STAG1: variants seen among roughly 807,000 people sequenced by gnomAD.
STAG1 encodes STAG1 cohesin complex component.
In STAG1, 26 loss-of-function variants were observed where a neutral mutation model predicts 170.9. The observed-to-expected ratio is 0.15, with a 90% CI of 0.11 to 0.21. STAG1 has a LOEUF of 0.21. STAG1 is among the 10% of genes least tolerant of loss of function. STAG1 has a pLI of 1.00. For missense variants in STAG1, 964 were observed against 1,509.5 expected, an observed-to-expected ratio of 0.64 and a Z score of 5.99; for synonymous variants, 514 against 497.7, an observed-to-expected ratio of 1.03 and a Z score of -0.44.
At chr3:136,660,211 CTT>C (rs912280628) in intron 1 of STAG1, among the ~76,000 whole-genome samples, 1 of 152,108 alleles carries the variant, frequency 6.6e-6, no homozygotes, top group African/African-American at 2.4e-5. Context: ...CTATAAAACT[CTT>C]TCTCATAGAG....
chr3:136,383,073 A>G (rs1938065283), intron 22 of STAG1, among the ~76,000 whole-genome samples: 1 of 152,178 alleles, frequency 6.6e-6, no homozygotes, highest in Non-Finnish European at 1.5e-5. Context: ...ATGATTCCCA[A>G]GACTGTGATT....
intron 7 of STAG1, among the ~76,000 whole-genome samples, chr3:136,511,320 C>A (rs1934052840): frequency 6.6e-6 from 1 of 152,174 alleles, no homozygotes; most frequent in Non-Finnish European, 1.5e-5. Context: ...GAATATAAAT[C>A]ATTCTATCAT....
At chr3:136,538,912 A>G (rs1211869881) in intron 6 of STAG1, among the ~76,000 whole-genome samples, 2 of 152,078 alleles carry the variant, frequency 1.3e-5, no homozygotes, top group African/African-American at 2.4e-5. Context: ...AGGCAGGTGG[A>G]TCACGAGGTC....
At chr3:136,351,023 A>G (rs1372227272) in intron 28 of STAG1, among the ~76,000 whole-genome samples, 3 of 152,234 alleles carry the variant, frequency 2.0e-5, no homozygotes, top group Non-Finnish European at 4.4e-5. Context: ...ACATATATGT[A>G]TATCAAGACA....
rs1307880207 is a variant in STAG1 at position 136,594,989 on chromosome 3, C to T, written c.297+9320G>A. Among the ~76,000 whole-genome samples, 3 of 152,114 alleles carry T rather than the reference C, an allele frequency of 2.0e-5. No homozygotes were observed. In the East Asian group the frequency reaches 5.8e-4, roughly 29 times the overall value. Reference sequence around the variant, plus strand: ...TTTGCCATGTTGCCCAGGCTAGTCTCGAACTCCTGGCTCAAGAGATCTGCC... The same window carrying T: ...TTTGCCATGTTGCCCAGGCTAGTCTTGAACTCCTGGCTCAAGAGATCTGCC... On this transcript the variant is annotated intron_variant, in intron 4 of 33. Transcript: ENST00000383202.
chr3:136,738,226 C>G (rs1021406655), intron 1 of STAG1, among the ~76,000 whole-genome samples: 2 of 152,090 alleles, frequency 1.3e-5, no homozygotes, highest in Non-Finnish European at 2.9e-5. Context: ...CCCAGTGGAT[C>G]AGTCCTGTAA....
At chr3:136,363,245 C>A in intron 26 of STAG1, 121 bp downstream of exon 26, 1 of 549,642 alleles carries the variant, frequency 1.8e-6, no homozygotes. Context: ...CAGTAATGCA[C>A]TGACAAAATG....
intron 23 of STAG1, among the ~76,000 whole-genome samples, chr3:136,372,150 G>C (rs552259680): frequency 9.5e-4 from 144 of 150,954 alleles, no homozygotes; most frequent in African/African-American, 3.1e-3. Context: ...TGATTTGGCT[G>C]TCTGTTATTG....
At chr3:136,521,665 G>C (rs1047498967) in intron 6 of STAG1, among the ~76,000 whole-genome samples, 38 of 152,102 alleles carry the variant, frequency 2.5e-4, no homozygotes, top group African/African-American at 8.4e-4. Flanking sequence ...TAAGTCTTTG[G>C]TTGAAAATAA....
intron 16 of STAG1, among the ~76,000 whole-genome samples, chr3:136,425,449 C>T (rs1439257432): frequency 6.6e-6 from 1 of 151,798 alleles, no homozygotes; most frequent in Non-Finnish European, 1.5e-5. Context: ...GAAGAATAAA[C>T]CAGAAACAAA....
chr3:136,551,094 C>T (rs1936360652), intron 5 of STAG1, among the ~76,000 whole-genome samples: 1 of 151,824 alleles, frequency 6.6e-6, no homozygotes, highest in East Asian at 1.9e-4. Flanking sequence ...ACAGCCCACA[C>T]TTAATGGGTA....
At chr3:136,579,427 T>C (rs1262496655) in intron 4 of STAG1, among the ~76,000 whole-genome samples, 1 of 152,176 alleles carries the variant, frequency 6.6e-6, no homozygotes, top group Non-Finnish European at 1.5e-5. Flanking sequence ...TAGGCTGCAA[T>C]CAAGGCACTT....
chr3:136,457,077 C>T (rs986903266), intron 13 of STAG1, among the ~76,000 whole-genome samples: 14 of 152,152 alleles, frequency 9.2e-5, no homozygotes, highest in Non-Finnish European at 1.8e-4. Context: ...ATTGGCTTGT[C>T]TGTCATAATA....
intron 23 of STAG1, among the ~76,000 whole-genome samples, chr3:136,375,221 A>C (rs1358410314): frequency 6.6e-6 from 1 of 152,230 alleles, no homozygotes; most frequent in African/African-American, 2.4e-5. Context: ...TATCTAATAA[A>C]GCCTCCAAAC....
intron 6 of STAG1, among the ~76,000 whole-genome samples, chr3:136,538,343 AT>A (rs1217123513): frequency 1.3e-5 from 2 of 152,084 alleles, no homozygotes; most frequent in Admixed American, 1.3e-4. Flanking sequence ...TGTATTTACT[AT>A]TTATAAGACA....
At position 136,533,584 on chromosome 3, in the gene STAG1, A is replaced by T. The variant is rs767515587; in HGVS notation, c.471+8535T>A. Among the ~76,000 whole-genome samples, 10 of 152,240 alleles carry T rather than the reference A, an allele frequency of 6.6e-5. No homozygotes were observed. The South Asian group carries it at 1.9e-3, about 29-fold the overall frequency. ...GAATCACATGGTGAGAGAAGGAGCA[A>T]GGGGGCAGGGATGCCATACTTTAAA... On this transcript the variant is annotated intron_variant, in intron 6 of 33. Coordinates refer to ENST00000383202, the MANE Select transcript of STAG1 (RefSeq NM_005862.3).
chr3:136,593,921 G>T (rs1359308744), intron 4 of STAG1, among the ~76,000 whole-genome samples: 2 of 152,092 alleles, frequency 1.3e-5, no homozygotes, highest in African/African-American at 4.8e-5. Context: ...TCTTTGTCAT[G>T]AAGTTTCATT....
intron 1 of STAG1, among the ~76,000 whole-genome samples, chr3:136,713,545 T>C (rs573656014): frequency 6.7e-6 from 1 of 150,208 alleles, no homozygotes; most frequent in South Asian, 2.1e-4. Flanking sequence ...ATCATGCCAC[T>C]GCACTCTAGC....
intron 7 of STAG1, among the ~76,000 whole-genome samples, chr3:136,508,170 T>A (rs1933864698): frequency 6.6e-6 from 1 of 152,190 alleles, no homozygotes; most frequent in Non-Finnish European, 1.5e-5. Context: ...TGTCCAGGCA[T>A]GGCTAGACTA....
Sources: allele counts gnomAD v4.1 joint callset (sites outside exome capture counted in the v4.1 genomes callset), GRCh38; gene constraint gnomAD v4.1.1; transcripts MANE v1.5; gene names NCBI Gene and HGNC (gene_info 2026-07-23, HGNC 2026-07-21).